TTLL7: variants seen among roughly 807,000 people sequenced by gnomAD.
TTLL7 encodes the protein tubulin polyglutamylase TTLL7.
In TTLL7, 53 loss-of-function variants were observed where a neutral mutation model predicts 120.2. That is an observed-to-expected ratio of 0.44 (90% CI 0.35 to 0.55). The LOEUF is 0.55. Among genes scored for constraint, TTLL7 ranks in the 20% least tolerant of loss-of-function variants. The pLI, the probability that TTLL7 is intolerant of heterozygous loss-of-function variation, is 0.00. For synonymous variants in TTLL7, 353 were observed against 351.7 expected, an observed-to-expected ratio of 1.00 and a Z score of -0.04; for missense variants, 803 against 1,054.7, an observed-to-expected ratio of 0.76 and a Z score of 3.31.
chr1:83,926,469 G>T (rs747513686), intron 10 of TTLL7, among the ~76,000 whole-genome samples: 2 of 152,102 alleles, frequency 1.3e-5, no homozygotes, highest in Non-Finnish European at 2.9e-5. Flanking sequence ...CTACATACAT[G>T]TCAGACTCAA....
rs550673160 is a variant in TTLL7, at chr1:83,922,203, GAAACAAAC to G, written c.1143-817_1143-810del. Among the ~76,000 whole-genome samples the G allele has an allele frequency of 3.0e-3, 456 of 152,076 alleles. 3 individuals are homozygous for G. The highest frequency in any genetic ancestry group is 0.011 in the African/African-American group (437 of 41,504). The stretch of plus-strand genomic sequence containing the variant: ...GCCAATTCTGACCCCACCTTTAGAA[GAAACAAAC>G]AAACAAACAAACAACAAAAACAAAA... On this transcript the variant is annotated intron_variant, in intron 10 of 20. Transcript: ENST00000260505.
chr1:83,949,851 G>A lies in TTLL7; in HGVS notation c.279+14C>T. 1 of 1,612,986 alleles carries A rather than the reference G, an allele frequency of 6.2e-7. No homozygotes were observed. The highest frequency in any genetic ancestry group is 1.3e-5 in the African/African-American group (1 of 75,008). Reference sequence around the variant, plus strand: ...TTTCCTCATACCACTAACTGGTCATGATTAATTTCCTACCTGATAATTTTG... The same window carrying A: ...TTTCCTCATACCACTAACTGGTCATAATTAATTTCCTACCTGATAATTTTG... On this transcript the variant is annotated intron_variant, in intron 4 of 20. Coordinates refer to ENST00000260505, the MANE Select transcript of TTLL7 (RefSeq NM_024686.6).
At chr1:83,899,020 T>A (rs1656482431) in intron 18 of TTLL7, among the ~76,000 whole-genome samples, 1 of 151,870 alleles carries the variant, frequency 6.6e-6, no homozygotes, top group Non-Finnish European at 1.5e-5. Flanking sequence ...AGGCTTCTTT[T>A]TGTGAATATA....
intron 16 of TTLL7, 116 bp from the exon 17 acceptor site, chr1:83,906,579 G>A: frequency 6.9e-7 from 1 of 1,443,112 alleles, no homozygotes; most frequent in African/African-American, 1.4e-5. Flanking sequence ...CAATAACAAT[G>A]AAAAAGGAAG....
chr1:83,946,954 T>A (rs894776945), intron 6 of TTLL7, among the ~76,000 whole-genome samples, 170 bp downstream of exon 6: 9 of 151,996 alleles, frequency 5.9e-5, no homozygotes, highest in African/African-American at 2.2e-4. Flanking sequence ...TGTGGGAGAG[T>A]TTAAAAGAAT....
chr1:83,924,442 C>T (rs1658938621), intron 10 of TTLL7, among the ~76,000 whole-genome samples: 1 of 152,148 alleles, frequency 6.6e-6, no homozygotes, highest in South Asian at 2.1e-4. Flanking sequence ...AAAACATTAT[C>T]CCAGTTACTT....
At chr1:83,919,428 T>C (rs1219070198) in intron 13 of TTLL7, among the ~76,000 whole-genome samples, 3 of 152,124 alleles carry the variant, frequency 2.0e-5, no homozygotes, top group African/African-American at 7.2e-5. Flanking sequence ...TCCAGTTACA[T>C]ATACACATCT....
chr1:83,980,589 A>C (rs1455646496), intron 1 of TTLL7: 1 of 152,212 alleles, frequency 6.6e-6, no homozygotes, highest in Admixed American at 6.5e-5. Context: ...TGGACAAAGG[A>C]AAACTAAGAA....
chr1:83,988,416 G>A (rs928960424), intron 1 of TTLL7, among the ~76,000 whole-genome samples: 1 of 152,162 alleles, frequency 6.6e-6, no homozygotes, highest in Non-Finnish European at 1.5e-5. Context: ...TGGGATTGCT[G>A]GGTCGAATAG....
At chr1:83,906,244 A>C in intron 17 of TTLL7, 85 bp downstream of exon 17, 1 of 1,157,596 alleles carries the variant, frequency 8.6e-7, no homozygotes, top group East Asian at 2.4e-5. Flanking sequence ...ACTGAGCATA[A>C]TGCCTTCAGG....
At chr1:83,870,797 C>A (rs1653308406) in intron 20 of TTLL7, among the ~76,000 whole-genome samples, 1 of 151,574 alleles carries the variant, frequency 6.6e-6, no homozygotes, top group Admixed American at 6.6e-5. Context: ...GTAATCCCAG[C>A]CACTTGGGAG....
chr1:83,942,659 C>A lies in TTLL7; in HGVS notation c.527G>T (p.Gly176Val), dbSNP rs1199328300. 1 of 1,611,778 alleles carries A rather than the reference C, an allele frequency of 6.2e-7. No individual in the cohort carries two copies. The highest frequency in any genetic ancestry group is 8.5e-7 in the Non-Finnish European group (1 of 1,178,742). The change falls in exon 7 of 21, where the codon GGT becomes GTT. Residue 176 changes from glycine to valine, a missense_variant. Gly to Val is a moderately radical substitution (Grantham distance 109). Around this residue, in one of 3 missense-constraint regions of TTLL7, gnomAD observed 324 missense variants for 507.7 expected, o/e 0.64. Coordinates refer to ENST00000260505, the MANE Select transcript of TTLL7 (RefSeq NM_024686.6). Reference protein sequence around the residue: ...MGHGISLIRNGDKLPSQDHLI... With the variant: ...MGHGISLIRNVDKLPSQDHLI... ...ATGATCCTGAGATGGAAGTTTGTCA[C>A]CATTTCTTATCAAAGAAATCCTATG...
chr1:83,930,485 TA>T (rs1659502016), intron 9 of TTLL7, among the ~76,000 whole-genome samples: 1 of 152,178 alleles, frequency 6.6e-6, no homozygotes, highest in Admixed American at 6.5e-5. Flanking sequence ...AACATCCATT[TA>T]TTATAGGTCA....
chr1:83,900,724 G>A (rs1557590729), intron 18 of TTLL7, among the ~76,000 whole-genome samples: 1 of 151,928 alleles, frequency 6.6e-6, no homozygotes, highest in Non-Finnish European at 1.5e-5. Context: ...TCTGTAGGAT[G>A]GAATGCTGGA....
intron 13 of TTLL7, among the ~76,000 whole-genome samples, chr1:83,919,317 T>C (rs1658451192): frequency 6.6e-6 from 1 of 151,282 alleles, no homozygotes; most frequent in Non-Finnish European, 1.5e-5. Context: ...TCTCATATGC[T>C]AGATCTACAT....
In TTLL7 at chr1:83,911,343, C is replaced by T. The variant is rs201766337; in HGVS notation, c.1608G>A (p.Glu536=). ...TTGGTCTTTTCATTATCTCAGTACT[C>T]TCAGGCATAGAACACAGAGGCTAAA... The part of the protein sequence containing the change: ...RGPKPLCSMP[E]STEIMKRPKY... The change falls in exon 15 of 21, where the codon GAG becomes GAA. Residue 536 remains glutamate, a synonymous_variant. Transcript: ENST00000260505. The T allele has an allele frequency of 2.5e-5, 40 of 1,612,796 alleles. No homozygotes were observed. The highest frequency in any genetic ancestry group is 3.4e-5 in the Non-Finnish European group (40 of 1,179,360).
Position 83,933,457 on chromosome 1 carries a change from T to C in TTLL7, c.1047+151A>G. ...TCATTCTTAGAACTGTTCTAGTCCC[T>C]GAATTTTTATCCTCTTCTTCCCACT... On this transcript the variant is annotated intron_variant, in intron 9 of 20. Transcript: ENST00000260505. 5.1e-6 allele frequency: 4 copies of C among 784,398 alleles called. No individual in the cohort carries two copies. The South Asian group carries it at 5.7e-5, about 11-fold the overall frequency. The allele number at this position is 784,398 out of a possible 1,614,324, so 48.6% of individuals were successfully genotyped here. A position where few individuals can be genotyped will look rare whatever the true frequency, so the allele number is the denominator to read the frequency against.
At chr1:83,978,251 T>C (rs1296449790) in intron 1 of TTLL7, among the ~76,000 whole-genome samples, 13 of 152,196 alleles carry the variant, frequency 8.5e-5, no homozygotes, top group Non-Finnish European at 1.9e-4. Context: ...GAGATTGAGT[T>C]ACAAATGTGC....
chr1:83,948,925 T>C (rs1648764876), intron 4 of TTLL7: 2 of 347,088 alleles, frequency 5.8e-6, no homozygotes, highest in Non-Finnish European at 5.2e-6. Flanking sequence ...AATATCTACA[T>C]AGATAGTAAA....
Sources: gnomAD v4.1 joint callset for allele counts (sites outside exome capture counted in the v4.1 genomes callset) on GRCh38, gnomAD v4.1.1 for gene constraint, gnomAD v4.1.1 regional missense constraint, MANE v1.5 for transcripts, NCBI Gene and HGNC (gene_info 2026-07-23, HGNC 2026-07-21) for gene names.